Variants in GSK3B observed in about 807,000 individuals in gnomAD.
GSK3B encodes the protein glycogen synthase kinase-3 beta.
GSK3B carries 15 observed loss-of-function variants against 56.4 expected under a neutral mutation model. That is an observed-to-expected ratio of 0.27 (90% CI 0.18 to 0.41). The LOEUF (loss-of-function observed/expected upper bound fraction) is 0.41, where lower values mean the gene tolerates loss of function less well. Among genes scored for constraint, GSK3B ranks in the 10% least tolerant of loss-of-function variants. The pLI is 1.00. For synonymous variants in GSK3B, 181 were observed against 188.9 expected (o/e 0.96, Z 0.34); for missense variants, 300 against 513.4 (o/e 0.58, Z 4.02).
At chr3:120,086,724 G>A (rs1325789942) in intron 1 of GSK3B, among the ~76,000 whole-genome samples, 2 of 152,116 alleles carry the variant, frequency 1.3e-5, no homozygotes, top group African/African-American at 4.8e-5. Flanking sequence ...GAGCCCAGGA[G>A]GCAGAGGCTG....
At chr3:120,091,686 G>A (rs1034440220) in intron 1 of GSK3B, among the ~76,000 whole-genome samples, 2 of 152,036 alleles carry the variant, frequency 1.3e-5, no homozygotes, top group Non-Finnish European at 2.9e-5. Flanking sequence ...TATCATCATA[G>A]CTGAAAATTA....
intron 3 of GSK3B, among the ~76,000 whole-genome samples, chr3:119,927,277 G>A (rs886275030): frequency 1.3e-5 from 2 of 152,126 alleles, no homozygotes; most frequent in Non-Finnish European, 2.9e-5. Context: ...AAACTGACAT[G>A]TCTGTTTTAA....
intron 1 of GSK3B, among the ~76,000 whole-genome samples, chr3:120,091,520 T>C (rs149449995): frequency 6.8e-4 from 103 of 152,310 alleles, no homozygotes; most frequent in African/African-American, 2.3e-3. Context: ...TCCCAAAATG[T>C]AGCATTATAA....
chr3:119,834,469 C>CA (rs1021594877), intron 10 of GSK3B, among the ~76,000 whole-genome samples: 13 of 152,278 alleles, frequency 8.5e-5, no homozygotes, highest in African/African-American at 3.1e-4. Flanking sequence ...CAACCCCATC[C>CA]ACCAGGATAC....
At chr3:119,893,283 A>G (rs996197772) in intron 7 of GSK3B, among the ~76,000 whole-genome samples, 2 of 151,996 alleles carry the variant, frequency 1.3e-5, no homozygotes, top group African/African-American at 4.8e-5. Context: ...TACTGCATGA[A>G]CCACCGCACC....
chr3:120,045,019 G>A (rs1356040593), intron 1 of GSK3B, among the ~76,000 whole-genome samples: 2 of 152,136 alleles, frequency 1.3e-5, no homozygotes, highest in African/African-American at 4.8e-5. Context: ...TTTGCTTGCA[G>A]TTGTAATACT....
chr3:119,968,420 C>T (rs1194219574), intron 2 of GSK3B, among the ~76,000 whole-genome samples: 4 of 152,224 alleles, frequency 2.6e-5, no homozygotes, highest in Non-Finnish European at 5.9e-5. Flanking sequence ...CATTAGCAAA[C>T]TGATCCAACA....
intron 7 of GSK3B, among the ~76,000 whole-genome samples, chr3:119,899,427 T>A (rs1300106058): frequency 6.6e-6 from 1 of 151,992 alleles, no homozygotes; most frequent in African/African-American, 2.4e-5. Flanking sequence ...ATATAATAAT[T>A]AAGTGTGGTA....
chr3:119,877,365 C>T (rs975719788), intron 7 of GSK3B, among the ~76,000 whole-genome samples: 6 of 152,024 alleles, frequency 3.9e-5, no homozygotes, highest in Non-Finnish European at 8.8e-5. Flanking sequence ...TTGCATATAA[C>T]CTTACATCCT....
At chr3:119,843,962 A>G (rs1479092840) in intron 9 of GSK3B, among the ~76,000 whole-genome samples, 1 of 152,218 alleles carries the variant, frequency 6.6e-6, no homozygotes, top group Non-Finnish European at 1.5e-5. Context: ...AACAGAAATC[A>G]TAACAAACAG....
chr3:119,953,649 T>C (rs1415441410), intron 2 of GSK3B, among the ~76,000 whole-genome samples: 1 of 152,172 alleles, frequency 6.6e-6, no homozygotes, highest in Admixed American at 6.5e-5. Flanking sequence ...ATGTGAATTC[T>C]ATATTATCGC....
intron 1 of GSK3B, among the ~76,000 whole-genome samples, chr3:120,074,614 C>A (rs943718987): frequency 6.6e-6 from 1 of 151,924 alleles, no homozygotes; most frequent in South Asian, 2.1e-4. Context: ...CCACACCCAG[C>A]GCTGAGAAAC....
chr3:119,915,368 GA>G (rs2056770633), intron 5 of GSK3B, among the ~76,000 whole-genome samples: 1 of 152,062 alleles, frequency 6.6e-6, no homozygotes, highest in South Asian at 2.1e-4. Flanking sequence ...AGTTCTTACT[GA>G]AAAAGGAGTA....
intron 2 of GSK3B, among the ~76,000 whole-genome samples, chr3:119,968,738 T>C (rs74549022): frequency 0.034 from 5,246 of 152,224 alleles, 328 homozygotes; most frequent in African/African-American, 0.12. Context: ...ATAGCAAGTA[T>C]ACAGATTGGT....
chr3:120,059,724 TTA>T (rs1353841956), intron 1 of GSK3B, among the ~76,000 whole-genome samples: 1 of 152,224 alleles, frequency 6.6e-6, no homozygotes, highest in African/African-American at 2.4e-5. Context: ...ACTCACTTTA[TTA>T]GCTTCTTTTG....
chr3:119,875,189 A>T (rs1165359113), intron 8 of GSK3B, among the ~76,000 whole-genome samples: 1 of 152,054 alleles, frequency 6.6e-6, no homozygotes, highest in Non-Finnish European at 1.5e-5. Flanking sequence ...TTTGATTCTA[A>T]ATAGGAAATA....
intron 1 of GSK3B, among the ~76,000 whole-genome samples, chr3:120,091,824 GA>G (rs373339796): frequency 0.11 from 15,856 of 143,938 alleles, 939 homozygotes; most frequent in African/African-American, 0.17. Context: ...CAAGCCACAA[GA>G]AAAAAAAAAA....
In GSK3B at chr3:120,021,848, T is replaced by C. The variant is rs571432843; in HGVS notation, c.89-19609A>G. Among the ~76,000 whole-genome samples the C allele has an allele frequency of 3.9e-5, 6 of 152,292 alleles. No homozygotes were observed. In the South Asian group the frequency reaches 1.2e-3, roughly 32 times the overall value. On this transcript the variant is annotated intron_variant, in intron 1 of 10. Coordinates refer to ENST00000264235, the MANE Select transcript of GSK3B (RefSeq NM_001146156.2). ...GGATTTAGGATATAATCTCAGCTGA[T>C]AAAGCAGCAGCAGGGTTTGAGAGGA...
chr3:119,938,713 AAATT>A (rs1175760324), intron 3 of GSK3B, among the ~76,000 whole-genome samples: 1 of 152,166 alleles, frequency 6.6e-6, no homozygotes, highest in African/African-American at 2.4e-5. Context: ...CCCAAAAGTA[AAATT>A]AAGAAAATAA....
Sources: gnomAD v4.1 joint callset for allele counts (sites outside exome capture counted in the v4.1 genomes callset) on GRCh38, gnomAD v4.1.1 for gene constraint, MANE v1.5 for transcripts, NCBI Gene and HGNC (gene_info 2026-07-23, HGNC 2026-07-21) for gene names.